Variants in IL1RAPL2 observed in about 807,000 individuals in gnomAD.
IL1RAPL2 encodes the protein X-linked interleukin-1 receptor accessory protein-like 2.
In IL1RAPL2, 3 loss-of-function variants were observed where a neutral mutation model predicts 44.1. That is an observed-to-expected ratio of 0.07 (90% CI 0.03 to 0.18). The LOEUF (loss-of-function observed/expected upper bound fraction) is 0.18. Ranked by LOEUF, IL1RAPL2 falls within the 10% of genes least tolerant of loss-of-function variation. The pLI is 1.00. For synonymous variants in IL1RAPL2, 181 were observed against 178.8 expected, an observed-to-expected ratio of 1.01 and a Z score of -0.10; for missense variants, 391 against 496.4, an observed-to-expected ratio of 0.79 and a Z score of 2.02.
chrX:104,713,850 T>G (rs1931505663), intron 2 of IL1RAPL2, among the ~76,000 whole-genome samples: 1 of 110,791 alleles, frequency 9.0e-6, no homozygotes, highest in South Asian at 3.8e-4. Flanking sequence ...CTTCCCCTCA[T>G]GGGCCATTGG....
chrX:104,959,562 G>A (rs1602854194), intron 2 of IL1RAPL2, among the ~76,000 whole-genome samples: 1 of 111,346 alleles, frequency 9.0e-6, no homozygotes, highest in African/African-American at 3.3e-5. Flanking sequence ...AGGAAGATAT[G>A]CCTCTTTTCC....
intron 2 of IL1RAPL2, among the ~76,000 whole-genome samples, chrX:105,122,573 G>A (rs2227037): frequency 9.9e-5 from 11 of 111,109 alleles, no homozygotes; most frequent in Middle Eastern, 4.6e-3. Context: ...TCTTGACCTT[G>A]GCATGTTGGT....
At chrX:105,010,413 T>C (rs2031029362) in intron 2 of IL1RAPL2, among the ~76,000 whole-genome samples, 1 of 111,707 alleles carries the variant, frequency 9.0e-6, no homozygotes, top group African/African-American at 3.2e-5. Flanking sequence ...TCATCATTTG[T>C]TTCTCTTCTA....
intron 2 of IL1RAPL2, among the ~76,000 whole-genome samples, chrX:104,861,349 T>C (rs1457119828): frequency 3.6e-5 from 4 of 111,784 alleles, no homozygotes; most frequent in Non-Finnish European, 7.5e-5. Flanking sequence ...ACTGGGGACA[T>C]TAAATATGTA....
intron 3 of IL1RAPL2, among the ~76,000 whole-genome samples, chrX:105,215,745 CA>C (rs1330625473): frequency 4.6e-5 from 1 of 21,662 alleles, no homozygotes; most frequent in Non-Finnish European, 7.9e-5. Flanking sequence ...AGCAGCACAT[CA>C]AAAAGCTTAT....
At chrX:105,294,877 T>G (rs1034105082) in intron 5 of IL1RAPL2, among the ~76,000 whole-genome samples, 9 of 111,490 alleles carry the variant, frequency 8.1e-5, no homozygotes, top group Non-Finnish European at 1.7e-4. Context: ...ACACTTAAGG[T>G]CAAACACCCT....
At chrX:105,457,033 TACACACACACACACACAC>T (rs58305468) in intron 5 of IL1RAPL2, among the ~76,000 whole-genome samples, 9 of 85,327 alleles carry the variant, frequency 1.1e-4, no homozygotes, top group Middle Eastern at 6.1e-3. Context: ...TCTAAAGTTA[TACACACACACACACACAC>T]ACACACACAC....
rs922406303 is a variant in IL1RAPL2 at position 104,947,892 on chromosome X, T to C, written c.83-247583T>C. ...TTCTTTTGGCTTAGGATTTACTTGG[T>C]GATGTGGGCTCTTTTTTGGTTCCAT... On this transcript the variant is annotated intron_variant, in intron 2 of 10. Transcript: ENST00000372582. Among the ~76,000 whole-genome samples the C allele has an allele frequency of 1.5e-3, 163 of 111,944 alleles. 1 individual carries two copies. Among genetic ancestry groups the C allele is most frequent in the African/African-American group, 4.9e-3 (151 of 30,830 alleles).
At chrX:104,702,849 C>T (rs1931301160) in intron 2 of IL1RAPL2, among the ~76,000 whole-genome samples, 1 of 111,359 alleles carries the variant, frequency 9.0e-6, no homozygotes, top group South Asian at 3.7e-4. Flanking sequence ...AAAGCAAAGC[C>T]TTGGAATTGA....
chrX:104,675,647 G>C (rs370118282), intron 2 of IL1RAPL2, among the ~76,000 whole-genome samples: 8 of 110,518 alleles, frequency 7.2e-5, no homozygotes, highest in African/African-American at 2.7e-4. Context: ...CAATTCCTGG[G>C]TATCCTTGTT....
At chrX:104,890,170 TC>T (rs1467939278) in intron 2 of IL1RAPL2, among the ~76,000 whole-genome samples, 1 of 112,190 alleles carries the variant, frequency 8.9e-6, no homozygotes, top group Admixed American at 9.5e-5. Flanking sequence ...GGTGTATATG[TC>T]CCACATTTTC....
intron 5 of IL1RAPL2, among the ~76,000 whole-genome samples, chrX:105,471,260 A>G (rs1022584988): frequency 3.6e-5 from 4 of 111,987 alleles, no homozygotes; most frequent in African/African-American, 1.3e-4. Context: ...GAGCTTAGGA[A>G]TCATGACCAA....
At chrX:104,622,351 T>C (rs1339948664) in intron 1 of IL1RAPL2, among the ~76,000 whole-genome samples, 5 of 110,520 alleles carry the variant, frequency 4.5e-5, no homozygotes, top group African/African-American at 1.6e-4. Context: ...GGAAGAAAGA[T>C]GTTTGCTCTG....
chrX:105,179,737 T>C (rs1167291466), intron 2 of IL1RAPL2, among the ~76,000 whole-genome samples: 1 of 107,836 alleles, frequency 9.3e-6, no homozygotes, highest in Non-Finnish European at 1.9e-5. Flanking sequence ...TAGGTATTTT[T>C]TTTTTTTTGT....
chrX:105,233,720 G>C (rs1224166186), intron 3 of IL1RAPL2, 98 bp from the exon 4 acceptor site: 1 of 672,832 alleles, frequency 1.5e-6, no homozygotes, highest in Non-Finnish European at 2.2e-6. Flanking sequence ...TCTAGGCAAG[G>C]TCCTAAATGG....
intron 2 of IL1RAPL2, among the ~76,000 whole-genome samples, chrX:104,843,603 G>C (rs1921966702): frequency 9.1e-6 from 1 of 110,400 alleles, no homozygotes; most frequent in Non-Finnish European, 1.9e-5. Context: ...AGTACTCAGG[G>C]CTGGCAGCAC....
chrX:104,707,907 T>G (rs1931388660), intron 2 of IL1RAPL2, among the ~76,000 whole-genome samples: 1 of 111,698 alleles, frequency 9.0e-6, no homozygotes, highest in Non-Finnish European at 1.9e-5. Context: ...GTAGTGCAAA[T>G]GTTAACAATA....
At chrX:104,787,420 C>T (rs1932805022) in intron 2 of IL1RAPL2, among the ~76,000 whole-genome samples, 1 of 110,793 alleles carries the variant, frequency 9.0e-6, no homozygotes, top group African/African-American at 3.3e-5. Context: ...ACTTTGTAGC[C>T]CCAGACAAGA....
Position 105,755,356 on chromosome X carries a change from T to C in IL1RAPL2, c.1363+9T>C. 8.6e-7 allele frequency: 1 copy of C among 1,165,795 alleles called. No homozygotes were observed. The highest frequency in any genetic ancestry group is 1.2e-6 in the Non-Finnish European group (1 of 861,837). ...CCTGATTCCAAGTGGAAGTAAGTAC[T>C]TTCAAATTTTGTGTTTAAAACGTTC... On this transcript the variant is annotated intron_variant, in intron 10 of 10. Transcript: ENST00000372582.
Sources: allele counts gnomAD v4.1 joint callset (sites outside exome capture counted in the v4.1 genomes callset), GRCh38; gene constraint gnomAD v4.1.1; transcripts MANE v1.5; gene names NCBI Gene and HGNC (gene_info 2026-07-23, HGNC 2026-07-21).